Variants in DCC observed in about 807,000 individuals in gnomAD.
DCC encodes the protein DCC netrin 1 receptor, also known as netrin receptor DCC.
DCC carries 58 observed loss-of-function variants against 172.5 expected under a neutral mutation model. That is an observed-to-expected ratio of 0.34 (90% CI 0.27 to 0.42). The LOEUF (loss-of-function observed/expected upper bound fraction) is 0.42. Among genes scored for constraint, DCC ranks in the 10% least tolerant of loss-of-function variants. The probability of loss-of-function intolerance (pLI) is 1.00; values close to 1 mark genes in which losing one functional copy is unlikely to be tolerated. For missense variants in DCC, 1,740 were observed against 1,791.0 expected (o/e 0.97, Z 0.51); for synonymous variants, 709 against 644.5 (o/e 1.10, Z -1.52).
intron 1 of DCC, among the ~76,000 whole-genome samples, chr18:52,494,769 T>A (rs915895646): frequency 6.6e-6 from 1 of 152,146 alleles, no homozygotes; most frequent in Admixed American, 6.6e-5. Flanking sequence ...CTTCGTCTTC[T>A]AATTAAAATA....
chr18:53,379,814 A>G (rs1365863601), intron 15 of DCC, among the ~76,000 whole-genome samples: 1 of 152,224 alleles, frequency 6.6e-6, no homozygotes, highest in Non-Finnish European at 1.5e-5. Context: ...AACAATAATG[A>G]AAATCTGATC....
Position 53,006,180 on chromosome 18 carries a change from A to C in DCC, c.986-57125A>C, listed in dbSNP as rs568275745. Among the ~76,000 whole-genome samples, 25 of 152,358 alleles carry C rather than the reference A, an allele frequency of 1.6e-4. No individual in the cohort carries two copies. The South Asian group carries it at 5.2e-3, about 32-fold the overall frequency. ...ATAATTTTGCTGACATAAAGATCAC[A>C]GAAAATTCAAACTGGCTTTATGTCT... On this transcript the variant is annotated intron_variant, in intron 5 of 28. Transcript: ENST00000442544.
intron 1 of DCC, among the ~76,000 whole-genome samples, chr18:52,407,778 TTC>T (rs4041447): frequency 0.67 from 101,161 of 151,428 alleles, 33,987 homozygotes; most frequent in Non-Finnish European, 0.69. Context: ...GAAAAGTACA[TTC>T]TCTATTTCTA....
intron 1 of DCC, among the ~76,000 whole-genome samples, chr18:52,597,224 C>T (rs557939491): frequency 1.8e-4 from 28 of 152,264 alleles, no homozygotes; most frequent in South Asian, 8.3e-4. Flanking sequence ...TTGCTGTTAA[C>T]GAGGTTGCTT....
chr18:53,243,984 C>A (rs899988747), intron 12 of DCC, among the ~76,000 whole-genome samples: 4 of 152,088 alleles, frequency 2.6e-5, no homozygotes, highest in African/African-American at 9.7e-5. Flanking sequence ...TCAAAAGCAG[C>A]AGATAGGTTC....
chr18:53,248,642 T>TTCCA (rs1183418883), intron 12 of DCC, among the ~76,000 whole-genome samples: 1 of 152,000 alleles, frequency 6.6e-6, no homozygotes, highest in Non-Finnish European at 1.5e-5. Flanking sequence ...ACCTCTGCAA[T>TTCCA]TCCAGTTCAT....
At chr18:53,059,107 GGGGAAAA>G (rs1222086956) in intron 5 of DCC, among the ~76,000 whole-genome samples, 1 of 152,026 alleles carries the variant, frequency 6.6e-6, no homozygotes, top group Non-Finnish European at 1.5e-5. Flanking sequence ...GGAGCCAAAG[GGGGAAAA>G]GCCTCTTATA....
chr18:53,062,705 T>A (rs543680934), intron 5 of DCC, among the ~76,000 whole-genome samples: 70 of 152,278 alleles, frequency 4.6e-4, no homozygotes, highest in African/African-American at 1.6e-3. Flanking sequence ...GTATATCACA[T>A]GCCATGCTGT....
intron 9 of DCC, among the ~76,000 whole-genome samples, chr18:53,195,854 AT>A (rs2055435874): frequency 6.6e-6 from 1 of 152,158 alleles, no homozygotes; most frequent in African/African-American, 2.4e-5. Flanking sequence ...TGTCCAGATA[AT>A]TTTTAGCCTT....
At chr18:52,704,434 T>C (rs2036173531) in intron 1 of DCC, among the ~76,000 whole-genome samples, 1 of 152,208 alleles carries the variant, frequency 6.6e-6, no homozygotes, top group Admixed American at 6.5e-5. Context: ...TTTGCACACA[T>C]GGTAATTTTT....
At chr18:52,636,907 T>C (rs1169334788) in intron 1 of DCC, among the ~76,000 whole-genome samples, 3 of 152,014 alleles carry the variant, frequency 2.0e-5, no homozygotes, top group Admixed American at 6.5e-5. Context: ...CTAAGAACTC[T>C]CACTGAGTCC....
intron 14 of DCC, among the ~76,000 whole-genome samples, chr18:53,337,319 C>A (rs982653942): frequency 6.6e-6 from 1 of 152,186 alleles, no homozygotes; most frequent in South Asian, 2.1e-4. Flanking sequence ...TACGATTAGG[C>A]AGATTATCTT....
chr18:52,360,331 A>G (rs1984564281), intron 1 of DCC, among the ~76,000 whole-genome samples: 1 of 152,228 alleles, frequency 6.6e-6, no homozygotes, highest in South Asian at 2.1e-4. Flanking sequence ...CCACCTTATA[A>G]AAGACTAACA....
intron 7 of DCC, among the ~76,000 whole-genome samples, chr18:53,090,698 CAAAAAAAAAAAAAAAAAAAAAAAA>C (rs59898050): frequency 7.6e-5 from 3 of 39,356 alleles, no homozygotes; most frequent in African/African-American, 8.0e-5. Context: ...CGTCCCCCAA[CAAAAAAAAAAAAAAAAAAAAAAAA>C]AAAAAAAAAA....
At chr18:53,047,261 TATATATATATATA>T (rs2042253833) in intron 5 of DCC, among the ~76,000 whole-genome samples, 1 of 12,610 alleles carries the variant, frequency 7.9e-5, no homozygotes, top group African/African-American at 7.7e-4. Context: ...TATATATATA[TATATATATATATA>T]TATATATATA....
At position 53,286,634 on chromosome 18, in the gene DCC, G is replaced by A. The variant is rs562988291; in HGVS notation, c.1912-18944G>A. Among the ~76,000 whole-genome samples the A allele has an allele frequency of 1.4e-3, 206 of 152,156 alleles. 1 individual carries two copies. Among genetic ancestry groups the A allele is most frequent in the Non-Finnish European group, 1.6e-3 (112 of 68,026 alleles). On this transcript the variant is annotated intron_variant, in intron 12 of 28. Coordinates refer to ENST00000442544, the MANE Select transcript of DCC (RefSeq NM_005215.4). ...AGGCAGCACTTGATGCAATGGAGTA[G>A]GACTCATTGCTCTGTATATACTGCC...
chr18:52,728,601 G>A (rs1162214057), intron 1 of DCC, among the ~76,000 whole-genome samples: 2 of 152,196 alleles, frequency 1.3e-5, no homozygotes, highest in African/African-American at 2.4e-5. Flanking sequence ...TTGTAAATGG[G>A]AACATACTGT....
chr18:53,247,222 C>A (rs961095931), intron 12 of DCC, among the ~76,000 whole-genome samples: 1 of 151,974 alleles, frequency 6.6e-6, no homozygotes, highest in Admixed American at 6.6e-5. Flanking sequence ...GTGGCTTTTT[C>A]TTCTGCCCAC....
chr18:52,807,019 C>T (rs1252256988), intron 2 of DCC, among the ~76,000 whole-genome samples: 3 of 152,090 alleles, frequency 2.0e-5, no homozygotes, highest in African/African-American at 7.2e-5. Context: ...ATGGTGAAAC[C>T]GTATCTCTAC....
Sources: gnomAD v4.1 joint callset for allele counts (sites outside exome capture counted in the v4.1 genomes callset) on GRCh38, gnomAD v4.1.1 for gene constraint, MANE v1.5 for transcripts, NCBI Gene and HGNC (gene_info 2026-07-23, HGNC 2026-07-21) for gene names.